ZNF320: variants seen among roughly 807,000 people sequenced by gnomAD.
ZNF320 encodes the protein zinc finger gene 320.
In ZNF320, 2 loss-of-function variants were observed where a neutral mutation model predicts 6.8. That is an observed-to-expected ratio of 0.29 (90% CI 0.12 to 0.93). The LOEUF (loss-of-function observed/expected upper bound fraction) is 0.93, where lower values mean the gene tolerates loss of function less well. Ranked by LOEUF, ZNF320 falls within the 40% of genes least tolerant of loss-of-function variation. The probability of loss-of-function intolerance (pLI) is 0.55; values close to 1 mark genes in which losing one functional copy is unlikely to be tolerated. For synonymous variants in ZNF320, 208 were observed against 203.2 expected, an observed-to-expected ratio of 1.02 and a Z score of -0.20; for missense variants, 472 against 611.0, an observed-to-expected ratio of 0.77 and a Z score of 2.40.
downstream of ZNF320, among the ~76,000 whole-genome samples, chr19:52,872,123 T>C (rs571174506): frequency 3.6e-3 from 543 of 152,282 alleles, 3 homozygotes; most frequent in African/African-American, 0.012. Flanking sequence ...AATTTGAGGC[T>C]GCTGTAAACT....
At position 52,878,493 on chromosome 19, in the gene ZNF320, CTT is replaced by C. The variant is rs1184260770; in HGVS notation, c.*2101_*2102del. 6.6e-6 allele frequency: 1 copy of C among 152,190 alleles called. No homozygotes were observed. Among genetic ancestry groups the C allele is most frequent in the African/African-American group, 2.4e-5 (1 of 41,384 alleles). The allele number at this position is 152,190 out of a possible 1,614,324, so 9.4% of individuals were successfully genotyped here. A position where few individuals can be genotyped will look rare whatever the true frequency, so the allele number is the denominator to read the frequency against. On this transcript the variant is annotated 3_prime_UTR_variant, in exon 6 of 6. Coordinates refer to ENST00000682928, the MANE Select transcript of ZNF320 (RefSeq NM_001351774.2). ...CTCGATCTCCTGACCTCGTGATGCT[CTT>C]GCCTCGGCCTCCCAAAGTGCTGGGA...
chr19:52,874,055 A>G (rs756074976), downstream of ZNF320: 3 of 431,044 alleles, frequency 7.0e-6, no homozygotes, highest in Non-Finnish European at 1.4e-5. Flanking sequence ...AAGTAACATA[A>G]GTCTCTGGAA....
intron 5 of ZNF320, among the ~76,000 whole-genome samples, chr19:52,883,885 T>C (rs1181203961): frequency 6.6e-6 from 1 of 152,140 alleles, no homozygotes. Flanking sequence ...GGCAACAAGA[T>C]GAGATTCCAT....
chr19:52,870,667 C>T (rs1003535226), intron 5 of ZNF320, among the ~76,000 whole-genome samples: 1 of 151,576 alleles, frequency 6.6e-6, no homozygotes, highest in Admixed American at 6.6e-5. Flanking sequence ...TCGAGGTGCT[C>T]AGGCAAAAGA....
chr19:52,899,310 T>C (rs1423064608), upstream of ZNF320, among the ~76,000 whole-genome samples: 2 of 152,184 alleles, frequency 1.3e-5, no homozygotes, highest in Non-Finnish European at 2.9e-5. Flanking sequence ...TACGGGTACA[T>C]GTGTCAGTTT....
chr19:52,864,077 T>C (rs1292817425), exon 6 of ZNF320: 4 of 480,072 alleles, frequency 8.3e-6, no homozygotes, highest in Middle Eastern at 3.6e-4. Context: ...CACAGCCCTG[T>C]ATAAAGCGTT....
At chr19:52,867,344 C>T (rs180899291) in intron 5 of ZNF320, among the ~76,000 whole-genome samples, 6 of 151,078 alleles carry the variant, frequency 4.0e-5, no homozygotes, top group Admixed American at 1.3e-4. Flanking sequence ...ATTACCGGTA[C>T]GTGCCACCAC....
At chr19:52,860,371 G>C (rs1001021651), downstream of ZNF320, among the ~76,000 whole-genome samples, 1 of 152,084 alleles carries the variant, frequency 6.6e-6, no homozygotes, top group Non-Finnish European at 1.5e-5. Flanking sequence ...GGCTGTACCA[G>C]GGGGATCACC....
chr19:52,871,120 T>C (rs1054739280), intron 5 of ZNF320, among the ~76,000 whole-genome samples: 1 of 152,042 alleles, frequency 6.6e-6, no homozygotes, highest in South Asian at 2.1e-4. Context: ...GCACTCCAGT[T>C]TGGGCAATAG....
downstream of ZNF320, among the ~76,000 whole-genome samples, chr19:52,873,703 C>T (rs145113670): frequency 3.7e-4 from 57 of 152,296 alleles, no homozygotes; most frequent in African/African-American, 1.3e-3. Context: ...TGAACAAACC[C>T]TGCTGCCCAA....
chr19:52,877,362 A>C lies in ZNF320; in HGVS notation c.*3234T>G, dbSNP rs1434538166. On this transcript the variant is annotated 3_prime_UTR_variant, in exon 6 of 6. Transcript: ENST00000682928. ...GGTAGATAACAAATAACATTCTTTG[A>C]ATCTTTGATCAGCCTTTCACTAAAT... 1 of 152,234 alleles carries C rather than the reference A, an allele frequency of 6.6e-6. No individual in the cohort carries two copies. The highest frequency in any genetic ancestry group is 1.5e-5 in the Non-Finnish European group (1 of 68,048). 9.4% of individuals were successfully genotyped at this position (152,234 alleles called of 1,614,324 possible).
rs1419499124 is a variant in ZNF320, at chr19:52,897,628, T to G, written c.-378A>C. Reference sequence around the variant, plus strand: ...GCACCACAGGACTGGGAAGCACACATAAAACAGAGCGAAACTCACGCGCTG... The same window carrying G: ...GCACCACAGGACTGGGAAGCACACAGAAAACAGAGCGAAACTCACGCGCTG... On this transcript the variant is annotated 5_prime_UTR_variant, in exon 1 of 6. It removes an upstream start codon present in the reference 5' UTR. Coordinates refer to ENST00000682928, the MANE Select transcript of ZNF320 (RefSeq NM_001351774.2). 2 of 151,918 alleles carry G rather than the reference T, an allele frequency of 1.3e-5. No individual in the cohort carries two copies. Among genetic ancestry groups the G allele is most frequent in the Non-Finnish European group, 2.9e-5 (2 of 68,102 alleles). 9.4% of individuals were successfully genotyped at this position (151,918 alleles called of 1,614,324 possible).
At chr19:52,874,058 C>A, downstream of ZNF320, 3 of 421,896 alleles carry the variant, frequency 7.1e-6, no homozygotes, top group South Asian at 3.7e-5. Context: ...TAACATAAGT[C>A]TCTGGAAATC....
rs535020465 is a variant in ZNF320, at chr19:52,891,262, A to T, written c.-107T>A. On this transcript the variant is annotated 5_prime_UTR_variant, in exon 3 of 6. It adds an upstream start codon to the 5' untranslated region. Transcript: ENST00000682928. Reference sequence around the variant, plus strand: ...CAGCTACTTGGTAGGCTGAGGCACAAGAATCACTTGAACCCAGGAGACAGA... The same window carrying T: ...CAGCTACTTGGTAGGCTGAGGCACATGAATCACTTGAACCCAGGAGACAGA... The T allele has an allele frequency of 6.6e-6, 1 of 152,348 alleles. No individual in the cohort carries two copies. Among genetic ancestry groups the T allele is most frequent in the Admixed American group, 6.5e-5 (1 of 15,292 alleles). 9.4% of individuals were successfully genotyped at this position (152,348 alleles called of 1,614,324 possible).
chr19:52,867,461 G>A (rs894001790), intron 5 of ZNF320, among the ~76,000 whole-genome samples: 3 of 152,044 alleles, frequency 2.0e-5, no homozygotes, highest in Non-Finnish European at 1.5e-5. Context: ...CTCCCAAAGT[G>A]CTGGGATTAC....
intron 5 of ZNF320, among the ~76,000 whole-genome samples, chr19:52,882,585 T>C (rs534211335): frequency 2.4e-4 from 36 of 152,322 alleles, no homozygotes; most frequent in Admixed American, 4.6e-4. Flanking sequence ...ATGCAAAGTT[T>C]GCAGTGAGCC....
At chr19:52,865,438 A>ATG (rs1568692541) in intron 5 of ZNF320, 3 of 98,542 alleles carry the variant, frequency 3.0e-5, no homozygotes, top group African/African-American at 4.9e-5. Flanking sequence ...CAGGCTTTAT[A>ATG]TATATATATA....
At chr19:52,875,056 A>G (rs969866890), downstream of ZNF320, among the ~76,000 whole-genome samples, 1 of 152,202 alleles carries the variant, frequency 6.6e-6, no homozygotes, top group African/African-American at 2.4e-5. Flanking sequence ...GGAATTTTGG[A>G]AACGATGTAT....
upstream of ZNF320, among the ~76,000 whole-genome samples, chr19:52,902,227 C>G (rs369977960): frequency 2.2e-4 from 33 of 152,346 alleles, no homozygotes; most frequent in South Asian, 2.1e-3. Context: ...CCGTGAGATA[C>G]AAGAAGTGAA....
Sources: gnomAD v4.1 joint callset for allele counts (sites outside exome capture counted in the v4.1 genomes callset) on GRCh38, gnomAD v4.1.1 for gene constraint, MANE v1.5 for transcripts, NCBI Gene and HGNC (gene_info 2026-07-23, HGNC 2026-07-21) for gene names.